The following DENND2B variants were observed in gnomAD, a reference collection of about 807,000 sequenced individuals.
The protein encoded by DENND2B is DENN domain-containing protein 2B.
In DENND2B, 32 loss-of-function variants were observed where a neutral mutation model predicts 116.0. That is an observed-to-expected ratio of 0.28 (90% CI 0.21 to 0.37). DENND2B has a LOEUF of 0.37. Ranked by LOEUF, DENND2B falls within the 10% of genes least tolerant of loss-of-function variation. DENND2B has a pLI of 1.00. For missense variants in DENND2B, 1,276 were observed against 1,477.7 expected (o/e 0.86, Z 2.24); for synonymous variants, 588 against 583.9 (o/e 1.01, Z -0.10).
At chr11:8,722,130 C>T (rs2046297389) in intron 4 of DENND2B, among the ~76,000 whole-genome samples, 1 of 152,256 alleles carries the variant, frequency 6.6e-6, no homozygotes, top group Non-Finnish European at 1.5e-5. Flanking sequence ...TTCCGAACTC[C>T]TTTTCTGCAA....
Position 8,702,505 on chromosome 11 carries a change from C to T in DENND2B, c.2720+67G>A. ...CGGCGCCTGCTTAGGCTCCTGAACA[C>T]TTGCTGATTCGCTTGTGGGTGTGCC... On this transcript the variant is annotated intron_variant, in intron 14 of 19. Coordinates refer to ENST00000313726, the MANE Select transcript of DENND2B (RefSeq NM_213618.2). This position sits in a 1 kb window ranked among gnomAD's most constrained non-coding sequence, Gnocchi z 4.6. 1 of 1,598,394 alleles carries T rather than the reference C, an allele frequency of 6.3e-7. No individual in the cohort carries two copies. Among genetic ancestry groups the T allele is most frequent in the Non-Finnish European group, 8.5e-7 (1 of 1,177,928 alleles).
At chr11:8,812,142 C>T (rs1320103526), upstream of DENND2B, among the ~76,000 whole-genome samples, 1 of 152,224 alleles carries the variant, frequency 6.6e-6, no homozygotes, top group African/African-American at 2.4e-5. Context: ...CAGCCAAGTT[C>T]GCCCTAGTCC....
At chr11:8,714,832 C>A (rs961317947) in intron 6 of DENND2B, 126 bp from the exon 7 acceptor site, 2 of 766,212 alleles carry the variant, frequency 2.6e-6, no homozygotes, top group Admixed American at 2.4e-5. Flanking sequence ...CCGCTGGGTC[C>A]AGGACTGGTC....
intron 1 of DENND2B, among the ~76,000 whole-genome samples, chr11:8,888,684 T>C (rs1018076578): frequency 6.6e-6 from 1 of 152,100 alleles, no homozygotes; most frequent in Non-Finnish European, 1.5e-5. Context: ...TGATAAGGGA[T>C]TAACATCCAG....
At chr11:8,825,962 C>T (rs1028213001) in intron 4 of DENND2B, among the ~76,000 whole-genome samples, 17 of 151,928 alleles carry the variant, frequency 1.1e-4, no homozygotes, top group South Asian at 2.1e-4. Context: ...TTTGCAGTCC[C>T]GGGGTAAATG....
At chr11:8,799,050 G>A (rs1468986411) in intron 1 of DENND2B, among the ~76,000 whole-genome samples, 1 of 152,106 alleles carries the variant, frequency 6.6e-6, no homozygotes, top group Non-Finnish European at 1.5e-5. Flanking sequence ...TTGAACTCCT[G>A]ACCTCAAGTA....
intron 2 of DENND2B, among the ~76,000 whole-genome samples, chr11:8,739,277 C>T (rs1393110797): frequency 2.6e-5 from 4 of 152,108 alleles, no homozygotes; most frequent in African/African-American, 7.2e-5. Flanking sequence ...CGTCAGCCCC[C>T]GAAGCCCTCT....
chr11:8,869,662 A>G (rs558419948), intron 2 of DENND2B, among the ~76,000 whole-genome samples: 105 of 152,132 alleles, frequency 6.9e-4, no homozygotes, highest in African/African-American at 2.4e-3. Context: ...TCTCGAAAAA[A>G]AAAAAGAAAA....
At chr11:8,699,896 A>T (rs1274839516) in intron 14 of DENND2B, 2 of 456,426 alleles carry the variant, frequency 4.4e-6, no homozygotes, top group South Asian at 3.1e-5. Flanking sequence ...CAGGCAGAAC[A>T]GGAAGGACAT....
intron 11 of DENND2B, among the ~76,000 whole-genome samples, chr11:8,709,830 G>A (rs545629891): frequency 6.6e-6 from 1 of 152,270 alleles, no homozygotes; most frequent in Admixed American, 6.5e-5. Flanking sequence ...AATGTGACAG[G>A]TTCTAAACAA....
At chr11:8,718,205 G>A in intron 4 of DENND2B, 1 of 798,908 alleles carries the variant, frequency 1.3e-6, no homozygotes, top group Non-Finnish European at 2.1e-6. Flanking sequence ...CCTGTGCCCA[G>A]CCAGAGGACA....
At chr11:8,752,435 G>A (rs1020109840) in intron 1 of DENND2B, among the ~76,000 whole-genome samples, 2 of 149,436 alleles carry the variant, frequency 1.3e-5, no homozygotes, top group African/African-American at 4.9e-5. Flanking sequence ...CTGGGTGACA[G>A]GGCAAGATTC....
At chr11:8,718,096 A>AACCCCCCCCCCCCCCCCC in intron 4 of DENND2B, 2 of 65,008 alleles carry the variant, frequency 3.1e-5, no homozygotes, top group Non-Finnish European at 5.7e-5. Context: ...AAGCAGACCC[A>AACCCCCCCCCCCCCCCCC]CCCCCCCACC....
intron 1 of DENND2B, among the ~76,000 whole-genome samples, chr11:8,905,122 T>C (rs1305750297): frequency 6.6e-6 from 1 of 152,118 alleles, no homozygotes; most frequent in African/African-American, 2.4e-5. Context: ...ACATAGTTGA[T>C]ATACTTCCCA....
In DENND2B at chr11:8,750,725, C is replaced by A; in HGVS notation, c.-25G>T. ...TTTCGGCTCTCTGCAAACCCAGAGC[C>A]CTGCAAAGACGACAATGCCGGTAAG... On this transcript the variant is annotated splice_region_variant and 5_prime_UTR_variant, in exon 2 of 20. Transcript: ENST00000313726. 6.2e-7 allele frequency: 1 copy of A among 1,614,002 alleles called. No homozygotes were observed. Among genetic ancestry groups the A allele is most frequent in the Non-Finnish European group, 8.5e-7 (1 of 1,179,926 alleles).
At chr11:8,909,910 T>A (rs922722996) in intron 1 of DENND2B, 2 of 152,186 alleles carry the variant, frequency 1.3e-5, no homozygotes, top group Non-Finnish European at 2.9e-5. Flanking sequence ...TTCCTAAGCA[T>A]CGGCGCTTTG....
At chr11:8,876,568 G>A (rs2063843235) in intron 2 of DENND2B, among the ~76,000 whole-genome samples, 1 of 152,066 alleles carries the variant, frequency 6.6e-6, no homozygotes, top group Non-Finnish European at 1.5e-5. Flanking sequence ...TTTTGTTCCA[G>A]ATAGCAAGCT....
chr11:8,898,535 G>A lies in DENND2B; in HGVS notation c.-256+12286C>T, dbSNP rs111945252. ...CAGCAGCAATATCAAAAATCCTTAG[G>A]TAGGGATGGAAATCAGAATCTGGAG... On this transcript the variant is annotated intron_variant, in intron 1 of 22. Coordinates refer to the DENND2B transcript ENST00000534127. Among the ~76,000 whole-genome samples, 102 of 152,262 alleles carry A rather than the reference G, an allele frequency of 6.7e-4. 1 individual carries two copies. Among genetic ancestry groups the A allele is most frequent in the African/African-American group, 2.4e-3 (98 of 41,554 alleles).
intron 1 of DENND2B, among the ~76,000 whole-genome samples, chr11:8,905,344 A>C (rs1157356333): frequency 6.6e-6 from 1 of 152,200 alleles, no homozygotes; most frequent in African/African-American, 2.4e-5. Context: ...ATCTGCATGA[A>C]AAGAAATGAA....
Sources: gnomAD v4.1 joint callset for allele counts (sites outside exome capture counted in the v4.1 genomes callset) on GRCh38, gnomAD v4.1.1 for gene constraint, Gnocchi (gnomAD v3.1) non-coding constraint, MANE v1.5 for transcripts, NCBI Gene and HGNC (gene_info 2026-07-23, HGNC 2026-07-21) for gene names.